MARCHF1: variants seen among roughly 807,000 people sequenced by gnomAD.
MARCHF1 encodes E3 ubiquitin-protein ligase MARCHF1.
MARCHF1 carries 40 observed loss-of-function variants against 54.2 expected under a neutral mutation model. The ratio of observed to expected loss-of-function variants is 0.74; its 90% CI spans 0.57 to 0.96. MARCHF1 has a LOEUF of 0.96. Ranked by LOEUF, MARCHF1 falls within the 40% of genes least tolerant of loss-of-function variation. MARCHF1 has a pLI of 0.00. For missense variants in MARCHF1, 586 were observed against 656.5 expected (o/e 0.89, Z 1.17); for synonymous variants, 236 against 236.3 (o/e 1.00, Z 0.01).
intron 1 of MARCHF1, among the ~76,000 whole-genome samples, chr4:164,312,423 C>T (rs1020810640): frequency 1.4e-5 from 2 of 147,690 alleles, no homozygotes; most frequent in East Asian, 2.0e-4. Context: ...CCCGGGTTCA[C>T]GCCATTCTCC....
At position 163,740,512 on chromosome 4, in the gene MARCHF1, G is replaced by A. The variant is rs545810694; in HGVS notation, c.112-39649C>T. 2.8e-4 allele frequency among the ~76,000 whole-genome samples: 42 copies of A among 152,278 alleles called. 1 individual carries two copies. In the South Asian group the frequency reaches 8.3e-3, roughly 30 times the overall value. On this transcript the variant is annotated intron_variant, in intron 4 of 9. Transcript: ENST00000514618. ...GGCCCAATCACCACTGAGCAATAGG[G>A]TACAGGGCCAGGTGATGTCTATACA...
chr4:163,604,500 T>G (rs1741080239), intron 7 of MARCHF1, among the ~76,000 whole-genome samples: 1 of 152,122 alleles, frequency 6.6e-6, no homozygotes, highest in South Asian at 2.1e-4. Flanking sequence ...CCCTCTTCCT[T>G]GGGACACAGC....
Position 164,308,469 on chromosome 4 carries a change from CT to C in MARCHF1, c.-323+75400del, listed in dbSNP as rs113888582. On this transcript the variant is annotated intron_variant, in intron 1 of 9. Coordinates refer to ENST00000514618, the MANE Select transcript of MARCHF1 (RefSeq NM_001394959.1). Reference sequence around the variant, plus strand: ...ATGATCTGTAAGCAAGATCATTTTCCTTTTTTTTTCCATCAGTAAGATAATT... The same window carrying C: ...ATGATCTGTAAGCAAGATCATTTTCCTTTTTTTTCCATCAGTAAGATAATT... 1.2e-4 allele frequency among the ~76,000 whole-genome samples: 18 copies of C among 151,206 alleles called. No homozygotes were observed. The East Asian group carries it at 3.5e-3, about 29-fold the overall frequency.
chr4:163,545,160 T>TA (rs1358145707), intron 9 of MARCHF1, among the ~76,000 whole-genome samples: 11 of 152,222 alleles, frequency 7.2e-5, no homozygotes, highest in Non-Finnish European at 4.4e-5. Flanking sequence ...TATATAGTAC[T>TA]AACTAAAGAG....
At chr4:164,056,818 C>T (rs1405889979) in intron 2 of MARCHF1, among the ~76,000 whole-genome samples, 6 of 152,058 alleles carry the variant, frequency 3.9e-5, no homozygotes, top group Non-Finnish European at 4.4e-5. Context: ...GGAGCAAATG[C>T]CAAGGGCTTG....
chr4:163,612,995 A>C lies in MARCHF1; in HGVS notation c.286T>G (p.Cys96Gly). 2 of 1,524,150 alleles carry C rather than the reference A, an allele frequency of 1.3e-6. No individual in the cohort carries two copies. Among genetic ancestry groups the C allele is most frequent in the Non-Finnish European group, 1.7e-6 (2 of 1,142,978 alleles). 94.4% of individuals were successfully genotyped at this position (1,524,150 alleles called of 1,614,324 possible). The change falls in exon 7 of 10, where the codon TGC becomes GGC. Residue 96 changes from cysteine (C) to glycine (G), a missense_variant. This residue lies in a region of MARCHF1 where 387 missense variants were observed against 394.6 expected (regional missense o/e 0.98). Coordinates refer to ENST00000514618, the MANE Select transcript of MARCHF1 (RefSeq NM_001394959.1). ...GGGCTCAGCACCATGACAGGGGTGC[A>C]ATACTCAAATGACTCTTCTGACATG... ...HDMSEESFEY[C>G]TPVMVLSPAR...
chr4:164,140,309 A>AGG (rs1756500121), intron 1 of MARCHF1, among the ~76,000 whole-genome samples: 1 of 151,442 alleles, frequency 6.6e-6, no homozygotes, highest in Non-Finnish European at 1.5e-5. Context: ...ATTTCTTTTG[A>AGG]ATAAACAAAA....
intron 3 of MARCHF1, among the ~76,000 whole-genome samples, chr4:163,862,834 A>G (rs78834079): frequency 0.012 from 1,869 of 152,194 alleles, 32 homozygotes; most frequent in African/African-American, 0.04. Context: ...CAATAGGTGA[A>G]TGGATAAACA....
At chr4:163,637,896 T>C (rs1296411695) in intron 5 of MARCHF1, among the ~76,000 whole-genome samples, 1 of 150,764 alleles carries the variant, frequency 6.6e-6, no homozygotes, top group African/African-American at 2.4e-5. Flanking sequence ...ATATACACCA[T>C]GGAATACTAT....
intron 4 of MARCHF1, among the ~76,000 whole-genome samples, chr4:163,742,397 C>CCTTCCTTCCTTCCTT (rs1746228070): frequency 4.4e-5 from 4 of 91,220 alleles, no homozygotes; most frequent in African/African-American, 1.2e-4. Flanking sequence ...CTTCCTTCCT[C>CCTTCCTTCCTTCCTT]CCTTCCTTCC....
intron 2 of MARCHF1, among the ~76,000 whole-genome samples, chr4:164,086,880 A>C (rs1352913712): frequency 6.6e-6 from 1 of 152,118 alleles, no homozygotes; most frequent in Non-Finnish European, 1.5e-5. Context: ...GACAGGAAAT[A>C]TTATAACAAT....
At chr4:163,799,449 C>A (rs935620492) in intron 4 of MARCHF1, among the ~76,000 whole-genome samples, 1 of 152,000 alleles carries the variant, frequency 6.6e-6, no homozygotes. Context: ...ACTTGAAAGG[C>A]AAGAATAATT....
intron 3 of MARCHF1, among the ~76,000 whole-genome samples, chr4:163,915,208 G>C (rs912086122): frequency 6.6e-6 from 1 of 152,022 alleles, no homozygotes; most frequent in Non-Finnish European, 1.5e-5. Flanking sequence ...ATCTTAAGTT[G>C]TTTTGAAATC....
chr4:163,876,654 G>A (rs1026788966), intron 3 of MARCHF1, among the ~76,000 whole-genome samples: 23 of 152,104 alleles, frequency 1.5e-4, no homozygotes, highest in Non-Finnish European at 2.2e-4. Context: ...CAGGATAGAA[G>A]CAATATTAGA....
chr4:164,379,710 G>T (rs571038087), intron 1 of MARCHF1, among the ~76,000 whole-genome samples: 90 of 152,250 alleles, frequency 5.9e-4, no homozygotes, highest in African/African-American at 2.1e-3. Context: ...TGTTGGCCGG[G>T]CACAGTGGCT....
intron 7 of MARCHF1, among the ~76,000 whole-genome samples, chr4:163,590,515 G>C (rs1335783365): frequency 6.6e-6 from 1 of 152,064 alleles, no homozygotes; most frequent in Non-Finnish European, 1.5e-5. Context: ...TCATTCTTAA[G>C]ATATGCAGTT....
chr4:163,841,465 A>ATTAT (rs112229675), intron 4 of MARCHF1, among the ~76,000 whole-genome samples: 3 of 151,280 alleles, frequency 2.0e-5, no homozygotes, highest in East Asian at 3.9e-4. Flanking sequence ...TAAAAAAAGA[A>ATTAT]TACGAGCCAG....
At chr4:163,533,956 A>G (rs991250120) in intron 9 of MARCHF1, among the ~76,000 whole-genome samples, 2 of 151,766 alleles carry the variant, frequency 1.3e-5, no homozygotes, top group Non-Finnish European at 2.9e-5. Context: ...CTATACCTCT[A>G]TTTATTTTAT....
At position 163,854,104 on chromosome 4, in the gene MARCHF1, G is replaced by T; in HGVS notation, c.28C>A (p.Arg10Ser). MLGWCEAIARNPHRIPNNTR... is the reference protein window; with the variant it reads MLGWCEAIASNPHRIPNNTR... ...TTGTTTGGAATTCTGTGAGGGTTAC[G>T]GGCTATCGCTTCACACCAGCCCAGC... Residue 10 changes from arginine to serine, a missense_variant, in exon 4 of 10, where the codon CGT becomes AGT. Arg to Ser is a moderately radical substitution (Grantham distance 110). Around this residue, in one of 3 missense-constraint regions of MARCHF1, gnomAD observed 387 missense variants for 394.6 expected, o/e 0.98. Transcript: ENST00000514618. 6.5e-7 allele frequency: 1 copy of T among 1,536,394 alleles called. No homozygotes were observed. Among genetic ancestry groups the T allele is most frequent in the Non-Finnish European group, 8.7e-7 (1 of 1,146,382 alleles).
Sources: gnomAD v4.1 joint callset for allele counts (sites outside exome capture counted in the v4.1 genomes callset) on GRCh38, gnomAD v4.1.1 for gene constraint, gnomAD v4.1.1 regional missense constraint, MANE v1.5 for transcripts, NCBI Gene and HGNC (gene_info 2026-07-23, HGNC 2026-07-21) for gene names.